The following TSHZ2 variants were observed in gnomAD, a reference collection of about 807,000 sequenced individuals.
The protein encoded by TSHZ2 is teashirt homolog 2.
TSHZ2 carries 21 observed loss-of-function variants against 74.4 expected under a neutral mutation model. The observed-to-expected ratio is 0.28, with a 90% confidence interval of 0.20 to 0.41. TSHZ2 has a LOEUF of 0.41. TSHZ2 is among the 10% of genes least tolerant of loss of function. The pLI, the probability that TSHZ2 is intolerant of heterozygous loss-of-function variation, is 1.00. For missense variants in TSHZ2, 1,244 were observed against 1,293.5 expected (o/e 0.96, Z 0.59); for synonymous variants, 540 against 515.3 (o/e 1.05, Z -0.65).
At chr20:53,116,202 T>A (rs1456884006) in intron 1 of TSHZ2, among the ~76,000 whole-genome samples, 1 of 152,108 alleles carries the variant, frequency 6.6e-6, no homozygotes, top group Non-Finnish European at 1.5e-5. Flanking sequence ...TGCATTACAT[T>A]ATATCATACT....
chr20:53,368,360 T>TGTGCAGTGGTGTGAC (rs1242739262), intron 2 of TSHZ2, among the ~76,000 whole-genome samples: 1 of 152,028 alleles, frequency 6.6e-6, no homozygotes, highest in Non-Finnish European at 1.5e-5. Flanking sequence ...CCCAGGCTGG[T>TGTGCAGTGGTGTGAC]GTGCAGTGGT....
intron 2 of TSHZ2, among the ~76,000 whole-genome samples, chr20:53,345,171 G>A (rs1247189876): frequency 6.6e-6 from 1 of 152,248 alleles, no homozygotes; most frequent in Non-Finnish European, 1.5e-5. Flanking sequence ...AGGAACCTGT[G>A]CCAAAGTGTG....
At chr20:53,291,095 CT>C (rs1427672946) in intron 2 of TSHZ2, among the ~76,000 whole-genome samples, 4 of 152,170 alleles carry the variant, frequency 2.6e-5, no homozygotes, top group African/African-American at 9.7e-5. Context: ...ATTCCCATGT[CT>C]CCTCAAGAAC....
At chr20:53,244,714 C>T (rs992981646) in intron 1 of TSHZ2, among the ~76,000 whole-genome samples, 4 of 152,148 alleles carry the variant, frequency 2.6e-5, no homozygotes, top group Non-Finnish European at 5.9e-5. Flanking sequence ...TAACAAAGAC[C>T]TTTTTTCTCA....
At chr20:53,100,463 G>A (rs1453328660) in intron 1 of TSHZ2, among the ~76,000 whole-genome samples, 4 of 152,164 alleles carry the variant, frequency 2.6e-5, no homozygotes, top group Non-Finnish European at 4.4e-5. Flanking sequence ...TTTCAATAAT[G>A]GAGTCACTTT....
At chr20:53,482,824 T>C (rs2038426251) in intron 2 of TSHZ2, among the ~76,000 whole-genome samples, 1 of 152,026 alleles carries the variant, frequency 6.6e-6, no homozygotes, top group Admixed American at 6.5e-5. Context: ...GAAGATCACC[T>C]GAGCCCAGGA....
chr20:53,003,678 C>T (rs543638075), intron 1 of TSHZ2, among the ~76,000 whole-genome samples: 16 of 152,156 alleles, frequency 1.1e-4, no homozygotes, highest in South Asian at 8.3e-4. Context: ...AAAATGTCTC[C>T]GGGTAATGGC....
At chr20:53,026,015 G>A (rs144874169) in intron 1 of TSHZ2, among the ~76,000 whole-genome samples, 36 of 152,324 alleles carry the variant, frequency 2.4e-4, no homozygotes, top group African/African-American at 8.4e-4. Flanking sequence ...GCTGGTAGGT[G>A]TCCCATGTAC....
At chr20:53,226,428 G>T (rs1568822585) in intron 1 of TSHZ2, among the ~76,000 whole-genome samples, 2 of 132,456 alleles carry the variant, frequency 1.5e-5, no homozygotes, top group Admixed American at 7.1e-5. Flanking sequence ...GTGTGGGTCG[G>T]TGTGTGTATG....
intron 2 of TSHZ2, among the ~76,000 whole-genome samples, chr20:53,316,241 G>A (rs1440729488): frequency 5.3e-5 from 8 of 152,188 alleles, no homozygotes. Flanking sequence ...TCATCACTTG[G>A]TTCATTGTTG....
intron 1 of TSHZ2, among the ~76,000 whole-genome samples, chr20:53,024,300 T>A (rs1983356769): frequency 6.6e-6 from 1 of 151,940 alleles, no homozygotes; most frequent in South Asian, 2.1e-4. Context: ...CTGCTTTTAA[T>A]CTGGCGTTTC....
chr20:53,459,791 G>A (rs1010730443), intron 2 of TSHZ2, among the ~76,000 whole-genome samples: 4 of 145,948 alleles, frequency 2.7e-5, no homozygotes, highest in African/African-American at 1.0e-4. Flanking sequence ...TGTCTGTAAA[G>A]TATTTTATTT....
intron 2 of TSHZ2, among the ~76,000 whole-genome samples, chr20:53,483,423 A>G (rs767516666): frequency 3.1e-4 from 47 of 152,122 alleles, no homozygotes; most frequent in Non-Finnish European, 6.3e-4. Context: ...ACGTGGGAGG[A>G]TGGATTGAGC....
chr20:53,419,186 C>T (rs962693726), intron 2 of TSHZ2, among the ~76,000 whole-genome samples: 5 of 152,202 alleles, frequency 3.3e-5, no homozygotes, highest in Admixed American at 6.5e-5. Flanking sequence ...TCGGGCTCCC[C>T]GTCAAACCGC....
chr20:53,284,960 A>G (rs566317511), intron 2 of TSHZ2, among the ~76,000 whole-genome samples: 7 of 152,262 alleles, frequency 4.6e-5, no homozygotes, highest in African/African-American at 1.7e-4. Flanking sequence ...ATGATCGTAG[A>G]CATCCCGGGT....
rs1256719599 is a variant in TSHZ2 at position 53,036,800 on chromosome 20, A to G, written c.40+63467A>G. Among the ~76,000 whole-genome samples the G allele has an allele frequency of 2.0e-5, 3 of 148,840 alleles. No individual in the cohort carries two copies. The East Asian group carries it at 5.8e-4, about 29-fold the overall frequency. On this transcript the variant is annotated intron_variant, in intron 1 of 2. Coordinates refer to ENST00000371497, the MANE Select transcript of TSHZ2 (RefSeq NM_173485.6). The stretch of plus-strand genomic sequence containing the variant: ...ATATATTTTAAAAGCATGTAACAAT[A>G]CATATTCATATATAACAAACATTAT...
intron 1 of TSHZ2, among the ~76,000 whole-genome samples, chr20:53,066,561 C>T (rs898341783): frequency 1.3e-5 from 2 of 152,090 alleles, no homozygotes; most frequent in Admixed American, 6.5e-5. Context: ...GCTCTGTCAC[C>T]AGGCTGGAGT....
At chr20:53,122,370 ACAT>A (rs1369782979) in intron 1 of TSHZ2, among the ~76,000 whole-genome samples, 1 of 152,160 alleles carries the variant, frequency 6.6e-6, no homozygotes, top group Non-Finnish European at 1.5e-5. Flanking sequence ...ATTGTCATCA[ACAT>A]CATCAGCAGT....
intron 2 of TSHZ2, among the ~76,000 whole-genome samples, chr20:53,343,890 C>T (rs1008509987): frequency 1.3e-5 from 2 of 152,192 alleles, no homozygotes; most frequent in Non-Finnish European, 2.9e-5. Context: ...AATAGCCTAT[C>T]CCCGGCTCTA....
Sources: gnomAD v4.1 joint callset for allele counts (sites outside exome capture counted in the v4.1 genomes callset) on GRCh38, gnomAD v4.1.1 for gene constraint, MANE v1.5 for transcripts, NCBI Gene and HGNC (gene_info 2026-07-23, HGNC 2026-07-21) for gene names.